GLMN: variants seen among roughly 807,000 people sequenced by gnomAD.
The protein encoded by GLMN is glomulin, FKBP associated protein.
A neutral mutation model predicts 87.8 loss-of-function variants in GLMN; 75 were observed. The observed-to-expected ratio is 0.85, with a 90% CI of 0.71 to 1.04. The LOEUF is 1.04. Among genes scored for constraint, GLMN ranks in the 50% least tolerant of loss-of-function variants. The probability of loss-of-function intolerance (pLI) is 0.00; values close to 1 mark genes in which losing one functional copy is unlikely to be tolerated. For missense variants in GLMN, 588 were observed against 658.8 expected (o/e 0.89, Z 1.18); for synonymous variants, 206 against 221.6 (o/e 0.93, Z 0.63).
At chr1:92,314,220 A>G in the GLMN span, among the ~76,000 whole-genome samples, 1 of 152,066 alleles carries the variant, frequency 6.6e-6, no homozygotes, top group African/African-American at 2.4e-5. Flanking sequence ...CTTCCTCACT[A>G]AGCTTAATCA....
intron 15 of GLMN, 152 bp downstream of exon 15, chr1:92,263,471 C>G (rs879574219): frequency 2.6e-5 from 17 of 663,078 alleles, no homozygotes; most frequent in Non-Finnish European, 4.4e-5. Flanking sequence ...TATCAAATCA[C>G]TTAAATATGA....
chr1:92,269,261 G>C (rs1355340471), intron 9 of GLMN, among the ~76,000 whole-genome samples: 2 of 149,142 alleles, frequency 1.3e-5, no homozygotes, highest in Non-Finnish European at 3.0e-5. Flanking sequence ...GAGAAAAGTT[G>C]TAATTGAATG....
At chr1:92,346,382 T>C in the GLMN span, among the ~76,000 whole-genome samples, 1 of 152,150 alleles carries the variant, frequency 6.6e-6, no homozygotes, top group Non-Finnish European at 1.5e-5. Flanking sequence ...CAGGCTGGTC[T>C]TGAACTTCTG....
At chr1:92,319,051 G>GA in the GLMN span, among the ~76,000 whole-genome samples, 2 of 152,034 alleles carry the variant, frequency 1.3e-5, no homozygotes, top group Non-Finnish European at 2.9e-5. Context: ...TTAAAAAAGA[G>GA]AAAAAAGGGA....
At chr1:92,247,204 T>A (rs1378349538) in intron 17 of GLMN, 60 bp from the exon 18 acceptor site, 7 of 836,218 alleles carry the variant, frequency 8.4e-6, no homozygotes, top group Non-Finnish European at 1.5e-5. Context: ...AACAAAGGTA[T>A]AAGCTACTTT....
At chr1:92,323,850 A>C in the GLMN span, 1 of 1,614,044 alleles carries the variant, frequency 6.2e-7, no homozygotes. Flanking sequence ...AAAGATTAAA[A>C]GCGTCAGAAA....
intron 2 of GLMN, 197 bp from the exon 3 acceptor site, chr1:92,297,726 T>C (rs960937291): frequency 2.7e-5 from 17 of 635,874 alleles, no homozygotes; most frequent in Middle Eastern, 4.2e-4. Flanking sequence ...TGAAATCTAC[T>C]GTACCAGTGA....
At chr1:92,313,794 T>G in the GLMN span, among the ~76,000 whole-genome samples, 2 of 152,264 alleles carry the variant, frequency 1.3e-5, no homozygotes, top group African/African-American at 4.8e-5. Flanking sequence ...AGTGTAGCTA[T>G]CTTAATCAGT....
At chr1:92,256,142 A>G (rs1654203837) in intron 16 of GLMN, among the ~76,000 whole-genome samples, 1 of 152,214 alleles carries the variant, frequency 6.6e-6, no homozygotes, top group Non-Finnish European at 1.5e-5. Context: ...ATTAACTAGA[A>G]AATCTAGAAA....
At chr1:92,328,666 G>A in the GLMN span, among the ~76,000 whole-genome samples, 1 of 152,080 alleles carries the variant, frequency 6.6e-6, no homozygotes, top group Non-Finnish European at 1.5e-5. Flanking sequence ...ATTTTGTCTT[G>A]GTTTGGATCC....
At chr1:92,359,960 ACT>A in the GLMN span, among the ~76,000 whole-genome samples, 1 of 151,012 alleles carries the variant, frequency 6.6e-6, no homozygotes, top group Non-Finnish European at 1.5e-5. Context: ...ACACTGCTAG[ACT>A]CTACATTATT....
chr1:92,282,664 C>CA (rs1175469984), intron 7 of GLMN, among the ~76,000 whole-genome samples: 28 of 151,690 alleles, frequency 1.8e-4, no homozygotes, highest in South Asian at 4.2e-4. Context: ...AAAAACCCTT[C>CA]AAAAAAAATC....
At chr1:92,335,031 T>A in the GLMN span, among the ~76,000 whole-genome samples, 1 of 151,934 alleles carries the variant, frequency 6.6e-6, no homozygotes. Context: ...GTTGTGGGGC[T>A]ACTACTCAGG....
At chr1:92,248,086 A>G in intron 16 of GLMN, 97 bp from the exon 17 acceptor site, 1 of 706,214 alleles carries the variant, frequency 1.4e-6, no homozygotes, top group East Asian at 2.5e-5. Flanking sequence ...TAAATGAAAC[A>G]TGGCCCTTGC....
intron 16 of GLMN, among the ~76,000 whole-genome samples, 200 bp downstream of exon 16, chr1:92,262,663 T>C (rs1655183921): frequency 6.6e-6 from 1 of 152,084 alleles, no homozygotes; most frequent in South Asian, 2.1e-4. Flanking sequence ...CAATAGGAAA[T>C]GGAAAGGGAA....
the GLMN span, among the ~76,000 whole-genome samples, chr1:92,341,937 C>A: frequency 1.3e-5 from 2 of 152,246 alleles, no homozygotes; most frequent in African/African-American, 4.8e-5. Context: ...GCCAACACAC[C>A]TGGCCAGGAA....
At chr1:92,279,938 A>G (rs1387534002) in intron 7 of GLMN, among the ~76,000 whole-genome samples, 2 of 151,872 alleles carry the variant, frequency 1.3e-5, no homozygotes, top group African/African-American at 4.8e-5. Context: ...AGTAGCTCAC[A>G]GTGTAAACAA....
intron 7 of GLMN, among the ~76,000 whole-genome samples, chr1:92,285,087 C>A (rs1648569248): frequency 6.6e-6 from 1 of 152,050 alleles, no homozygotes; most frequent in South Asian, 2.1e-4. Flanking sequence ...CTAGAAATAC[C>A]ATTTGACCCA....
intron 17 of GLMN, among the ~76,000 whole-genome samples, chr1:92,247,662 C>T (rs1477689922): frequency 6.6e-6 from 1 of 152,114 alleles, no homozygotes; most frequent in East Asian, 1.9e-4. Context: ...GACCTTGAGG[C>T]TTTACAATGT....
Sources: allele counts gnomAD v4.1 joint callset (sites outside exome capture counted in the v4.1 genomes callset), GRCh38; gene constraint gnomAD v4.1.1; transcripts MANE v1.5; gene names NCBI Gene and HGNC (gene_info 2026-07-23, HGNC 2026-07-21).